Variants in FBXO42 observed in about 807,000 individuals in gnomAD.
FBXO42 encodes the protein F-box only protein 42.
In FBXO42, 12 loss-of-function variants were observed where a neutral mutation model predicts 71.7. The observed-to-expected ratio is 0.17, with a 90% CI of 0.11 to 0.27. The LOEUF (loss-of-function observed/expected upper bound fraction) is 0.27, where lower values mean the gene tolerates loss of function less well. Ranked by LOEUF, FBXO42 falls within the 10% of genes least tolerant of loss-of-function variation. The probability of loss-of-function intolerance (pLI) is 1.00; values close to 1 mark genes in which losing one functional copy is unlikely to be tolerated. For synonymous variants in FBXO42, 325 were observed against 327.5 expected (o/e 0.99, Z 0.08); for missense variants, 707 against 911.9 (o/e 0.78, Z 2.89).
At chr1:16,348,763 A>G (rs529424811) in intron 1 of FBXO42, among the ~76,000 whole-genome samples, 1 of 152,306 alleles carries the variant, frequency 6.6e-6, no homozygotes, top group East Asian at 1.9e-4. Flanking sequence ...AGCTTCAATC[A>G]AAAAGGAATT....
At chr1:16,323,534 C>T (rs921145266) in intron 1 of FBXO42, among the ~76,000 whole-genome samples, 61 of 151,916 alleles carry the variant, frequency 4.0e-4, no homozygotes, top group Non-Finnish European at 5.6e-4. Context: ...CAGTGGCTCA[C>T]GCCTGTAATC....
At chr1:16,322,301 G>C (rs2082415231) in intron 1 of FBXO42, among the ~76,000 whole-genome samples, 1 of 152,130 alleles carries the variant, frequency 6.6e-6, no homozygotes. Context: ...TACTAGGCCA[G>C]GCGTGATGGC....
chr1:16,326,225 T>G (rs1332793467), intron 1 of FBXO42, among the ~76,000 whole-genome samples: 1 of 151,496 alleles, frequency 6.6e-6, no homozygotes. Flanking sequence ...CCGGCTAATT[T>G]TGTATTTTTT....
chr1:16,315,331 C>T lies in FBXO42; in HGVS notation c.88G>A (p.Glu30Lys). The change falls in exon 2 of 10, where the codon GAG (glutamate) becomes AAG (lysine). Residue 30 changes from glutamate to lysine, a missense_variant. By Grantham distance (56) the Glu-to-Lys change is moderately conservative (BLOSUM62 1). Coordinates refer to ENST00000375592, the MANE Select transcript of FBXO42 (RefSeq NM_018994.3). ...GCCTCCAATACTGGGTGGGGCTCCT[C>T]ATCTTGATCCATTGTCCCTTCCAGC... ...TVLEGTMDQDEEPHPVLEAEE... is the reference protein window; with the variant it reads ...TVLEGTMDQDKEPHPVLEAEE... 1 of 1,614,198 alleles carries T rather than the reference C, an allele frequency of 6.2e-7. No homozygotes were observed. The highest frequency in any genetic ancestry group is 2.2e-5 in the East Asian group (1 of 44,888).
chr1:16,294,206 T>C (rs932715548), intron 4 of FBXO42: 1 of 152,410 alleles, frequency 6.6e-6, no homozygotes, highest in African/African-American at 2.4e-5. Flanking sequence ...ATTGTTTTTA[T>C]TTTTTCCCCC....
chr1:16,286,671 A>G (rs975982206), intron 4 of FBXO42, among the ~76,000 whole-genome samples: 1 of 152,162 alleles, frequency 6.6e-6, no homozygotes, highest in African/African-American at 2.4e-5. Context: ...TGAACTCCAT[A>G]TACATATATC....
At chr1:16,263,807 CTTTTTTT>C (rs1193282987) in intron 4 of FBXO42, among the ~76,000 whole-genome samples, 3,784 of 126,634 alleles carry the variant, frequency 0.03, 180 homozygotes, top group African/African-American at 0.098. Context: ...CATACATTAA[CTTTTTTT>C]TTTTTTTTTT....
intron 3 of FBXO42, among the ~76,000 whole-genome samples, chr1:16,298,494 T>C (rs767192799): frequency 1.3e-5 from 2 of 152,038 alleles, no homozygotes; most frequent in Non-Finnish European, 2.9e-5. Context: ...AAAAAGAAAT[T>C]AGCAATGTCC....
At chr1:16,332,015 C>G (rs1053537187) in intron 1 of FBXO42, among the ~76,000 whole-genome samples, 4 of 151,890 alleles carry the variant, frequency 2.6e-5, no homozygotes, top group African/African-American at 9.7e-5. Flanking sequence ...TGCCATTGCA[C>G]TCCAGTCTGG....
rs768473935 is a variant in FBXO42, at chr1:16,315,445, G to A, written c.-17-10C>T. 6.8e-5 allele frequency: 110 copies of A among 1,607,526 alleles called. 1 individual carries two copies. In the Admixed American group the frequency reaches 1.9e-3, roughly 27 times the overall value. ...ACATTCCACTCAACAGCTGTAATAG[G>A]TAAAACATAAATATCAGTATTCCAC... On this transcript the variant is annotated splice_polypyrimidine_tract_variant and intron_variant, in intron 1 of 9. Transcript: ENST00000375592.
intron 4 of FBXO42, among the ~76,000 whole-genome samples, chr1:16,274,616 G>A (rs1055105727): frequency 2.7e-5 from 3 of 110,332 alleles, no homozygotes; most frequent in Non-Finnish European, 5.0e-5. Context: ...TTTTTGAGAC[G>A]AAGTCTTGCT....
intron 1 of FBXO42, among the ~76,000 whole-genome samples, chr1:16,331,517 G>A (rs6687059): frequency 0.024 from 3,683 of 151,796 alleles, 127 homozygotes; most frequent in African/African-American, 0.085. Flanking sequence ...CAATTTGGGA[G>A]GCCAAGGTGG....
rs1171674255 is a variant in FBXO42, at chr1:16,251,129, C to T, written c.1695G>A (p.Ala565=). The change falls in exon 10 of 10, where the codon GCG becomes GCA. Residue 565 remains alanine, a synonymous_variant. Transcript: ENST00000375592. The surrounding 1 kb of genome is among the most constrained non-coding windows in gnomAD (Gnocchi z 4.5). ...ALRRSLEAIK[A]MSSKGPSASA... ...AGGCCGAGGGGCCTTTGGAGGACAT[C>T]GCTTTGATGGCTTCCAGACTCCGAC... 3.1e-6 allele frequency: 5 copies of T among 1,614,118 alleles called. No individual in the cohort carries two copies. Among genetic ancestry groups the T allele is most frequent in the Middle Eastern group, 1.6e-4 (1 of 6,062 alleles).
chr1:16,338,828 T>G (rs2082577005), intron 1 of FBXO42, among the ~76,000 whole-genome samples: 1 of 128,356 alleles, frequency 7.8e-6, no homozygotes, highest in African/African-American at 3.1e-5. Context: ...TTTTTTTTTT[T>G]GAGACGGTGT....
chr1:16,278,485 T>C (rs757655763), intron 4 of FBXO42, among the ~76,000 whole-genome samples: 3 of 152,172 alleles, frequency 2.0e-5, no homozygotes, highest in Admixed American at 6.5e-5. Context: ...ACTGTCTTTT[T>C]TATTTTTATT....
intron 3 of FBXO42, among the ~76,000 whole-genome samples, chr1:16,296,319 T>C (rs2082129098): frequency 6.6e-6 from 1 of 151,792 alleles, no homozygotes; most frequent in African/African-American, 2.4e-5. Context: ...AAACTAACGG[T>C]TCAGTGTCAT....
At chr1:16,270,944 GA>G (rs35955324) in intron 4 of FBXO42, among the ~76,000 whole-genome samples, 46 of 145,538 alleles carry the variant, frequency 3.2e-4, no homozygotes, top group East Asian at 6.0e-4. Context: ...GCCAAGGGGG[GA>G]AAAAAAAAAC....
intron 1 of FBXO42, among the ~76,000 whole-genome samples, chr1:16,323,222 G>T (rs536651677): frequency 4.0e-5 from 6 of 151,116 alleles, no homozygotes; most frequent in East Asian, 4.0e-4. Flanking sequence ...TTTGAGACCA[G>T]CCTGGCCAAC....
At chr1:16,349,963 G>A (rs1026929168) in intron 1 of FBXO42, among the ~76,000 whole-genome samples, 2 of 152,194 alleles carry the variant, frequency 1.3e-5, no homozygotes, top group Non-Finnish European at 2.9e-5. Context: ...TGGGACCTCA[G>A]TGTTCTCATA....
Sources: allele counts gnomAD v4.1 joint callset (sites outside exome capture counted in the v4.1 genomes callset), GRCh38; gene constraint gnomAD v4.1.1; non-coding constraint Gnocchi (gnomAD v3.1); transcripts MANE v1.5; gene names NCBI Gene and HGNC (gene_info 2026-07-23, HGNC 2026-07-21).